The following SMG6 variants were observed in gnomAD, a reference collection of about 807,000 sequenced individuals.
The protein encoded by SMG6 is telomerase-binding protein EST1A.
In SMG6, 66 loss-of-function variants were observed where a neutral mutation model predicts 142.2. The ratio of observed to expected loss-of-function variants is 0.46; its 90% CI spans 0.38 to 0.57. SMG6 has a LOEUF of 0.57. Ranked by LOEUF, SMG6 falls within the 20% of genes least tolerant of loss-of-function variation. The pLI, the probability that SMG6 is intolerant of heterozygous loss-of-function variation, is 0.00. For missense variants in SMG6, 1,793 were observed against 1,832.0 expected (o/e 0.98, Z 0.39); for synonymous variants, 779 against 702.4 (o/e 1.11, Z -1.72).
intron 9 of SMG6, among the ~76,000 whole-genome samples, chr17:2,238,358 CTTTT>C (rs143425390): frequency 1.3e-5 from 2 of 149,914 alleles, no homozygotes; most frequent in East Asian, 1.9e-4. Flanking sequence ...AAACAAAACT[CTTTT>C]TTTTTTCTCT....
intron 13 of SMG6, among the ~76,000 whole-genome samples, chr17:2,113,434 T>G (rs749978114): frequency 6.6e-6 from 1 of 152,144 alleles, no homozygotes; most frequent in Non-Finnish European, 1.5e-5. Context: ...CATTATAACA[T>G]GCACTAGGGT....
rs1301441815 is a variant in SMG6 at position 2,059,977 on chromosome 17, C to A, written c.*1515G>T. Reference sequence around the variant, plus strand: ...GGGGAGAGAATCTTAAAGGAGAGGCCGGGGACCCTGTACTCCAAAGAGCCC... The same window carrying A: ...GGGGAGAGAATCTTAAAGGAGAGGCAGGGGACCCTGTACTCCAAAGAGCCC... On this transcript the variant is annotated 3_prime_UTR_variant, in exon 19 of 19. Transcript: ENST00000263073. 6.6e-6 allele frequency: 1 copy of A among 152,274 alleles called. No individual in the cohort carries two copies. The highest frequency in any genetic ancestry group is 2.4e-5 in the African/African-American group (1 of 41,436). 9.4% of individuals were successfully genotyped at this position (152,274 alleles called of 1,614,324 possible). A position where few individuals can be genotyped will look rare whatever the true frequency, so the allele number is the denominator to read the frequency against.
rs766469051 is a variant in SMG6 at position 2,167,066 on chromosome 17, G to A, written c.3357+5592C>T. ...AATCGTTTGAACTTGGGAGGCAGAG[G>A]GGGTGCAGTGAGCCGAGATCACACC... On this transcript the variant is annotated intron_variant, in intron 13 of 18. Transcript: ENST00000263073. 2.0e-5 allele frequency among the ~76,000 whole-genome samples: 3 copies of A among 149,518 alleles called. No individual in the cohort carries two copies. In the East Asian group the frequency reaches 5.9e-4, roughly 29 times the overall value.
chr17:2,070,128 T>C (rs1322737486), intron 15 of SMG6, among the ~76,000 whole-genome samples: 2 of 152,212 alleles, frequency 1.3e-5, no homozygotes, highest in South Asian at 2.1e-4. Context: ...CTGTGGACTT[T>C]CACATTTCTC....
At chr17:2,157,249 A>C (rs1012927074) in intron 13 of SMG6, among the ~76,000 whole-genome samples, 1 of 152,230 alleles carries the variant, frequency 6.6e-6, no homozygotes, top group Non-Finnish European at 1.5e-5. Context: ...TGAGACTCCC[A>C]GGAGAACAGT....
chr17:2,067,963 G>C (rs1239256847), intron 16 of SMG6, among the ~76,000 whole-genome samples: 1 of 152,186 alleles, frequency 6.6e-6, no homozygotes, highest in Non-Finnish European at 1.5e-5. Context: ...TAGCTGCTGA[G>C]AAGGGGATGT....
chr17:2,282,935 C>A, intron 7 of SMG6, 76 bp from the exon 8 acceptor site: 1 of 1,402,682 alleles, frequency 7.1e-7, no homozygotes, highest in South Asian at 1.2e-5. Flanking sequence ...CTTAGAGATG[C>A]GGAGGCAGGC....
At chr17:2,076,540 G>T (rs1425826707) in intron 15 of SMG6, among the ~76,000 whole-genome samples, 1 of 152,220 alleles carries the variant, frequency 6.6e-6, no homozygotes, top group Non-Finnish European at 1.5e-5. Context: ...GCACACATGT[G>T]TGTGCTCTCC....
intron 13 of SMG6, among the ~76,000 whole-genome samples, chr17:2,105,878 G>C (rs917862608): frequency 6.6e-6 from 1 of 152,180 alleles, no homozygotes; most frequent in Non-Finnish European, 1.5e-5. Context: ...GGTAACCTCT[G>C]AAAGTTGTCT....
intron 13 of SMG6, among the ~76,000 whole-genome samples, chr17:2,109,062 G>A (rs544165566): frequency 8.9e-4 from 136 of 152,140 alleles, no homozygotes; most frequent in Non-Finnish European, 1.4e-3. Context: ...ATTATCTGGC[G>A]TTTTCTCATG....
At chr17:2,161,915 C>CT (rs554827326) in intron 13 of SMG6, among the ~76,000 whole-genome samples, 37 of 152,170 alleles carry the variant, frequency 2.4e-4, no homozygotes, top group Middle Eastern at 3.4e-3. Context: ...TTCTGAGTCC[C>CT]TTTAAATATC....
intron 13 of SMG6, among the ~76,000 whole-genome samples, chr17:2,118,777 G>A (rs1001322865): frequency 5.9e-5 from 9 of 152,092 alleles, no homozygotes; most frequent in African/African-American, 2.2e-4. Flanking sequence ...TTGTAGTCAT[G>A]GGGGTCTCAC....
chr17:2,187,545 G>A (rs1491003927), intron 11 of SMG6, among the ~76,000 whole-genome samples: 1 of 152,136 alleles, frequency 6.6e-6, no homozygotes, highest in Non-Finnish European at 1.5e-5. Flanking sequence ...CCGCAACTCT[G>A]TAACTTAAAA....
intron 8 of SMG6, among the ~76,000 whole-genome samples, chr17:2,250,386 T>A (rs535108297): frequency 6.8e-6 from 1 of 148,054 alleles, no homozygotes; most frequent in East Asian, 1.9e-4. Flanking sequence ...TCTATTTTTA[T>A]ATACACTTTT....
rs760570965 is a variant in SMG6, at chr17:2,061,470, G to GC, written c.*21_*22insG. On this transcript the variant is annotated 3_prime_UTR_variant, in exon 19 of 19. Coordinates refer to ENST00000263073, the MANE Select transcript of SMG6 (RefSeq NM_017575.5). The stretch of plus-strand genomic sequence containing the variant: ...GCCTTTCAGGAACGGTTCCACGGGG[G>GC]GGGGGCCCCAGTGTGGCTCCCTCAG... 1 of 1,565,258 alleles carries GC rather than the reference G, an allele frequency of 6.4e-7. No homozygotes were observed. The highest frequency in any genetic ancestry group is 8.6e-7 in the Non-Finnish European group (1 of 1,157,306).
chr17:2,280,948 T>G (rs1044154887), intron 8 of SMG6, among the ~76,000 whole-genome samples: 2 of 152,156 alleles, frequency 1.3e-5, no homozygotes, highest in Non-Finnish European at 2.9e-5. Flanking sequence ...GGCATGTGCC[T>G]GTAGTCCTAG....
At chr17:2,132,191 ATTTC>A (rs1220217404) in intron 13 of SMG6, among the ~76,000 whole-genome samples, 1 of 152,178 alleles carries the variant, frequency 6.6e-6, no homozygotes, top group African/African-American at 2.4e-5. Context: ...TTGCTTATTT[ATTTC>A]TTTACTTCTT....
intron 3 of SMG6, 112 bp from the exon 4 acceptor site, chr17:2,297,465 T>C (rs2075168116): frequency 2.0e-5 from 15 of 765,682 alleles, no homozygotes; most frequent in Non-Finnish European, 2.9e-5. Flanking sequence ...AGACATCCTA[T>C]GAAAAGGGAG....
intron 8 of SMG6, among the ~76,000 whole-genome samples, chr17:2,265,305 T>A (rs952753541): frequency 6.6e-6 from 1 of 151,638 alleles, no homozygotes. Flanking sequence ...AGGTCAGGAG[T>A]TCGAGACCAG....
Sources: gnomAD v4.1 joint callset for allele counts (sites outside exome capture counted in the v4.1 genomes callset) on GRCh38, gnomAD v4.1.1 for gene constraint, MANE v1.5 for transcripts, NCBI Gene and HGNC (gene_info 2026-07-23, HGNC 2026-07-21) for gene names.